The following HS3ST3B1 variants were observed in gnomAD, a reference collection of about 807,000 sequenced individuals.
The protein encoded by HS3ST3B1 is heparan sulfate glucosamine 3-O-sulfotransferase 3B1.
In HS3ST3B1, 13 loss-of-function variants were observed where a neutral mutation model predicts 21.3. The ratio of observed to expected loss-of-function variants is 0.61; its 90% CI spans 0.40 to 0.97. HS3ST3B1 has a LOEUF of 0.97. Ranked by LOEUF, HS3ST3B1 falls within the 50% of genes least tolerant of loss-of-function variation. The probability of loss-of-function intolerance (pLI) is 0.00; values close to 1 mark genes in which losing one functional copy is unlikely to be tolerated. For synonymous variants in HS3ST3B1, 234 were observed against 254.8 expected (o/e 0.92, Z 0.78); for missense variants, 459 against 554.8 (o/e 0.83, Z 1.73).
chr17:14,338,742 C>T (rs1240583766), intron 1 of HS3ST3B1, among the ~76,000 whole-genome samples: 1 of 152,180 alleles, frequency 6.6e-6, no homozygotes, highest in East Asian at 1.9e-4. Flanking sequence ...CACACCCAGC[C>T]TGGCTTATAC....
chr17:14,323,211 T>C (rs1909711473), intron 1 of HS3ST3B1, among the ~76,000 whole-genome samples: 1 of 151,880 alleles, frequency 6.6e-6, no homozygotes, highest in African/African-American at 2.4e-5. Context: ...TGGCCGTGTA[T>C]ATGTCTTATA....
At chr17:14,316,928 G>T (rs1480565249) in intron 1 of HS3ST3B1, among the ~76,000 whole-genome samples, 1 of 152,228 alleles carries the variant, frequency 6.6e-6, no homozygotes, top group African/African-American at 2.4e-5. Flanking sequence ...CTCTAAGCTT[G>T]CCATAGTTAT....
Position 14,303,678 on chromosome 17 carries a change from G to C in HS3ST3B1, c.554+1606G>C, listed in dbSNP as rs1041566221. Among the ~76,000 whole-genome samples the C allele has an allele frequency of 6.6e-6, 1 of 152,120 alleles. No individual in the cohort carries two copies. The highest frequency in any genetic ancestry group is 2.4e-5 in the African/African-American group (1 of 41,426). On this transcript the variant is annotated intron_variant, in intron 1 of 1. Coordinates refer to ENST00000360954, the MANE Select transcript of HS3ST3B1 (RefSeq NM_006041.3). This position sits in a 1 kb window ranked among gnomAD's most constrained non-coding sequence, Gnocchi z 5.7. Reference sequence around the variant, plus strand: ...ATGCGCTGGTACGGTAAGGTGCCTCGCAGGCACGTGAGGGCCTCTCTAATC... The same window carrying C: ...ATGCGCTGGTACGGTAAGGTGCCTCCCAGGCACGTGAGGGCCTCTCTAATC...
At chr17:14,312,950 G>T (rs1293034422) in intron 1 of HS3ST3B1, among the ~76,000 whole-genome samples, 1 of 148,238 alleles carries the variant, frequency 6.7e-6, no homozygotes, top group Non-Finnish European at 1.5e-5. Context: ...TTTCACCCAG[G>T]CTGGAGTGCA....
intron 1 of HS3ST3B1, among the ~76,000 whole-genome samples, chr17:14,312,784 C>T (rs879730762): frequency 6.6e-6 from 1 of 152,058 alleles, no homozygotes; most frequent in African/African-American, 2.4e-5. Context: ...TGACACACCC[C>T]CACATTTTAC....
rs1297108183 is a variant in HS3ST3B1, at chr17:14,303,855, TG to T, written c.554+1784del. 6.6e-6 allele frequency: 1 copy of T among 152,290 alleles called. No homozygotes were observed. The highest frequency in any genetic ancestry group is 1.5e-5 in the Non-Finnish European group (1 of 68,146). 9.4% of individuals were successfully genotyped at this position (152,290 alleles called of 1,614,324 possible). On this transcript the variant is annotated intron_variant, in intron 1 of 1. Transcript: ENST00000360954. The surrounding 1 kb of genome is among the most constrained non-coding windows in gnomAD (Gnocchi z 5.7). The stretch of plus-strand genomic sequence containing the variant: ...AGCCCCGAGGCAGCCTAGGATTTTC[TG>T]AGATCAGACACACTTGGGCCGGGTT...
At chr17:14,329,501 A>C (rs568250607) in intron 1 of HS3ST3B1, 2 of 150,218 alleles carry the variant, frequency 1.3e-5, no homozygotes, top group South Asian at 4.2e-4. Flanking sequence ...AGAAAGAAGG[A>C]AAGAGAGAAG....
chr17:14,330,177 G>T (rs984105120), intron 1 of HS3ST3B1, among the ~76,000 whole-genome samples: 12 of 152,146 alleles, frequency 7.9e-5, no homozygotes, highest in African/African-American at 2.9e-4. Context: ...ACCTCCTGGG[G>T]GTGGTCTGTA....
At chr17:14,309,552 G>A (rs935760075) in intron 1 of HS3ST3B1, among the ~76,000 whole-genome samples, 20 of 152,022 alleles carry the variant, frequency 1.3e-4, no homozygotes, top group Middle Eastern at 6.9e-3. Context: ...CGGGCTGAGC[G>A]GGCGCGCCCC....
At chr17:14,313,097 T>TG in intron 1 of HS3ST3B1, among the ~76,000 whole-genome samples, 1 of 112,930 alleles carries the variant, frequency 8.9e-6, no homozygotes, top group African/African-American at 3.8e-5. Context: ...GTGTGTGGTG[T>TG]GTGTGTGTGT....
intron 1 of HS3ST3B1, among the ~76,000 whole-genome samples, chr17:14,339,011 G>C (rs553948793): frequency 2.0e-5 from 3 of 152,290 alleles, no homozygotes; most frequent in African/African-American, 4.8e-5. Context: ...TCCTAGGCTT[G>C]TCCCAAGGAA....
intron 1 of HS3ST3B1, among the ~76,000 whole-genome samples, chr17:14,341,816 A>G (rs577076498): frequency 1.3e-5 from 2 of 152,350 alleles, no homozygotes; most frequent in East Asian, 3.9e-4. Context: ...ATGGCTTAAC[A>G]CAGGGGAAAA....
At chr17:14,340,938 A>G (rs1910359382) in intron 1 of HS3ST3B1, among the ~76,000 whole-genome samples, 1 of 152,102 alleles carries the variant, frequency 6.6e-6, no homozygotes, top group Non-Finnish European at 1.5e-5. Context: ...TCACAGCAGT[A>G]GTTCCCCTGG....
chr17:14,334,222 TTTGA>T (rs1453918475), intron 1 of HS3ST3B1, among the ~76,000 whole-genome samples: 6 of 151,870 alleles, frequency 4.0e-5, no homozygotes, highest in African/African-American at 1.2e-4. Context: ...GCCTGAGTCG[TTTGA>T]TTGGGAGAAG....
intron 1 of HS3ST3B1, among the ~76,000 whole-genome samples, chr17:14,308,462 T>C (rs1909199518): frequency 1.3e-5 from 2 of 152,322 alleles, no homozygotes; most frequent in East Asian, 1.9e-4. Context: ...TCAGAAAATG[T>C]ACTTCATTGT....
intron 1 of HS3ST3B1, among the ~76,000 whole-genome samples, chr17:14,302,845 G>C (rs888289205): frequency 2.0e-5 from 3 of 152,230 alleles, no homozygotes; most frequent in African/African-American, 7.2e-5. Context: ...CTCGGTGCTG[G>C]GATAGGGAAA....
At chr17:14,344,777 G>A (rs1910499047) in intron 1 of HS3ST3B1, among the ~76,000 whole-genome samples, 1 of 152,210 alleles carries the variant, frequency 6.6e-6, no homozygotes, top group Admixed American at 6.5e-5. Context: ...GAGGATCTTA[G>A]AGAAACAGAT....
At chr17:14,329,325 G>GAAAGA (rs1255288950) in intron 1 of HS3ST3B1, 2 of 98,488 alleles carry the variant, frequency 2.0e-5, no homozygotes, top group African/African-American at 8.3e-5. Context: ...GAGAAAGAAA[G>GAAAGA]AAAGAAAGAA....
intron 1 of HS3ST3B1, among the ~76,000 whole-genome samples, chr17:14,316,995 A>G (rs1018522963): frequency 1.3e-5 from 2 of 152,208 alleles, no homozygotes; most frequent in African/African-American, 2.4e-5. Context: ...AAATTCTAAC[A>G]TCTGCATGGA....
Sources: gnomAD v4.1 joint callset for allele counts (sites outside exome capture counted in the v4.1 genomes callset) on GRCh38, gnomAD v4.1.1 for gene constraint, Gnocchi (gnomAD v3.1) non-coding constraint, MANE v1.5 for transcripts, NCBI Gene and HGNC (gene_info 2026-07-23, HGNC 2026-07-21) for gene names.